Variants in BOLL observed in about 807,000 individuals in gnomAD.
BOLL encodes boule RNA binding protein.
A neutral mutation model predicts 44.4 loss-of-function variants in BOLL; 23 were observed. The observed-to-expected ratio is 0.52, with a 90% confidence interval of 0.37 to 0.73. BOLL has a LOEUF of 0.73. BOLL is among the 30% of genes least tolerant of loss of function. BOLL has a pLI of 0.00. For missense variants in BOLL, 287 were observed against 338.3 expected (o/e 0.85, Z 1.19); for synonymous variants, 97 against 110.8 (o/e 0.88, Z 0.78).
At chr2:197,760,001 G>A (rs1688681235) in intron 7 of BOLL, among the ~76,000 whole-genome samples, 1 of 152,128 alleles carries the variant, frequency 6.6e-6, no homozygotes. Context: ...TCAGGCCTAA[G>A]AAATGGCCTC....
Position 197,785,245 on chromosome 2 carries a change from G to T in BOLL, c.-205C>A. The T allele has an allele frequency of 1.0e-6, 1 of 985,868 alleles. No individual in the cohort carries two copies. The highest frequency in any genetic ancestry group is 1.2e-6 in the Non-Finnish European group (1 of 829,920). The allele number at this position is 985,868 out of a possible 1,614,324, so 61.1% of individuals were successfully genotyped here. On this transcript the variant is annotated 5_prime_UTR_variant, in exon 1 of 11. Coordinates refer to ENST00000392296, the MANE Select transcript of BOLL (RefSeq NM_033030.6). This position sits in a 1 kb window ranked among gnomAD's most constrained non-coding sequence, Gnocchi z 6.7. The stretch of plus-strand genomic sequence containing the variant: ...AGAAGGCTAGCCAGCGAGAAATTTT[G>T]CCCCACAAATCCGCCAGCAGCAGTG...
At position 197,740,691 on chromosome 2, in the gene BOLL, T is replaced by C. The variant is rs190038408; in HGVS notation, c.828+2370A>G. Among the ~76,000 whole-genome samples, 1,175 of 152,220 alleles carry C rather than the reference T, an allele frequency of 7.7e-3. 12 individuals are homozygous for C. Among genetic ancestry groups the C allele is most frequent in the South Asian group, 0.024 (117 of 4,826 alleles). On this transcript the variant is annotated intron_variant, in intron 10 of 10. Transcript: ENST00000392296. The stretch of plus-strand genomic sequence containing the variant: ...AATATCTAGAATAGGCAAATTCATA[T>C]AGATAGAAAGTAAATTAGAGGTTAC...
At chr2:197,743,023 A>G (rs1415597865) in intron 10 of BOLL, 38 bp downstream of exon 10, 9 of 1,466,494 alleles carry the variant, frequency 6.1e-6, no homozygotes, top group Non-Finnish European at 8.3e-6. Flanking sequence ...AATATGATGG[A>G]AGAAAAACAA....
intron 6 of BOLL, among the ~76,000 whole-genome samples, chr2:197,767,893 C>T (rs888019330): frequency 2.0e-5 from 3 of 151,888 alleles, no homozygotes; most frequent in Admixed American, 2.0e-4. Context: ...TGAAATTGCT[C>T]CCTTTTTCAA....
chr2:197,776,109 G>A (rs1689497296), intron 4 of BOLL, among the ~76,000 whole-genome samples: 1 of 151,808 alleles, frequency 6.6e-6, no homozygotes, highest in African/African-American at 2.4e-5. Context: ...TCCCAGTTGA[G>A]GTCAAATAAG....
At chr2:197,777,020 A>G (rs765366371) in intron 4 of BOLL, 39 bp downstream of exon 4, 1 of 1,463,318 alleles carries the variant, frequency 6.8e-7, no homozygotes, top group South Asian at 1.3e-5. Flanking sequence ...CAAATACAAA[A>G]TTTCCAGAAA....
At chr2:197,735,532 C>T (rs1687446293) in intron 10 of BOLL, among the ~76,000 whole-genome samples, 1 of 152,010 alleles carries the variant, frequency 6.6e-6, no homozygotes. Flanking sequence ...AGTGGAAAAA[C>T]TAGTGACATT....
At chr2:197,730,982 A>G (rs1574791913) in intron 10 of BOLL, among the ~76,000 whole-genome samples, 1 of 152,110 alleles carries the variant, frequency 6.6e-6, no homozygotes, top group Non-Finnish European at 1.5e-5. Flanking sequence ...TTAAATGTAA[A>G]TGGACTAAAT....
chr2:197,765,596 A>G (rs193215420), intron 7 of BOLL, among the ~76,000 whole-genome samples: 1 of 152,176 alleles, frequency 6.6e-6, no homozygotes, highest in African/African-American at 2.4e-5. Flanking sequence ...GAATAGGTAT[A>G]ATTATCATTT....
At chr2:197,752,561 A>T (rs1012425047) in intron 9 of BOLL, among the ~76,000 whole-genome samples, 3 of 152,210 alleles carry the variant, frequency 2.0e-5, no homozygotes, top group African/African-American at 7.2e-5. Flanking sequence ...CAATTGCTAC[A>T]AAGAGAATAA....
chr2:197,762,004 T>A (rs988945331), intron 7 of BOLL, among the ~76,000 whole-genome samples: 2 of 152,146 alleles, frequency 1.3e-5, no homozygotes, highest in Admixed American at 6.5e-5. Flanking sequence ...AAAATAGTGG[T>A]TGGGGACTTC....
At chr2:197,779,187 C>A (rs1339243205) in intron 2 of BOLL, 121 bp from the exon 3 acceptor site, 11 of 676,616 alleles carry the variant, frequency 1.6e-5, no homozygotes, top group Admixed American at 2.9e-5. Flanking sequence ...TGCCTCTCAT[C>A]ATCAAAACAG....
intron 9 of BOLL, among the ~76,000 whole-genome samples, chr2:197,750,479 A>G (rs1430101928): frequency 1.3e-5 from 2 of 152,218 alleles, no homozygotes; most frequent in Non-Finnish European, 2.9e-5. Context: ...AAAGCAAAAA[A>G]AAGCAGGGGT....
chr2:197,727,359 C>A lies in BOLL; in HGVS notation c.*1196G>T, dbSNP rs543821034. The A allele has an allele frequency of 4.6e-5, 7 of 152,386 alleles. No individual in the cohort carries two copies. Among genetic ancestry groups the A allele is most frequent in the African/African-American group, 1.7e-4 (7 of 41,542 alleles). 9.4% of individuals were successfully genotyped at this position (152,386 alleles called of 1,614,324 possible). ...AGGGTAATACCAACTTTTATGGCTC[C>A]CCCTGCCCCCTCCACCTAAAATTAG... On this transcript the variant is annotated 3_prime_UTR_variant, in exon 11 of 11. Transcript: ENST00000392296.
rs1485104080 is a variant in BOLL, at chr2:197,785,292, G to C, written c.-252C>G. 29 of 985,028 alleles carry C rather than the reference G, an allele frequency of 2.9e-5. No individual in the cohort carries two copies. The highest frequency in any genetic ancestry group is 3.5e-5 in the Non-Finnish European group (29 of 829,686). The allele number at this position is 985,028 out of a possible 1,614,324, so 61.0% of individuals were successfully genotyped here. A position where few individuals can be genotyped will look rare whatever the true frequency, so the allele number is the denominator to read the frequency against. ...AGTGGCGGGAAGCCTCAACGGCAGC[G>C]ACCCCGCCGCTGGCCTCGTGCGCAG... is the stretch of plus-strand genomic sequence containing the variant. On this transcript the variant is annotated 5_prime_UTR_variant, in exon 1 of 11. Transcript: ENST00000392296. The surrounding 1 kb of genome is among the most constrained non-coding windows in gnomAD (Gnocchi z 6.7).
At chr2:197,780,227 G>C (rs1408801860) in intron 2 of BOLL, among the ~76,000 whole-genome samples, 1 of 152,024 alleles carries the variant, frequency 6.6e-6, no homozygotes, top group Non-Finnish European at 1.5e-5. Flanking sequence ...AAGAGGGATA[G>C]TCTGTTTGCT....
chr2:197,732,591 A>G (rs1007030894), intron 10 of BOLL, among the ~76,000 whole-genome samples: 1 of 140,736 alleles, frequency 7.1e-6, no homozygotes, highest in African/African-American at 2.6e-5. Context: ...ATCCAGCAGC[A>G]CATCAAAAAG....
intron 7 of BOLL, chr2:197,759,030 A>T: frequency 6.5e-7 from 1 of 1,527,872 alleles, no homozygotes; most frequent in Non-Finnish European, 8.8e-7. Flanking sequence ...GAGAGGCATG[A>T]TGTCAGCAAG....
chr2:197,784,744 G>A (rs1420770653), intron 1 of BOLL: 3 of 987,490 alleles, frequency 3.0e-6, no homozygotes, highest in Non-Finnish European at 3.6e-6. Flanking sequence ...ATATTTTAAT[G>A]TTAGCAATAG....
Sources: allele counts gnomAD v4.1 joint callset (sites outside exome capture counted in the v4.1 genomes callset), GRCh38; gene constraint gnomAD v4.1.1; non-coding constraint Gnocchi (gnomAD v3.1); transcripts MANE v1.5; gene names NCBI Gene and HGNC (gene_info 2026-07-23, HGNC 2026-07-21).